Variants in FHIT observed in about 807,000 individuals in gnomAD.
FHIT encodes bis(5'-adenosyl)-triphosphatase.
A neutral mutation model predicts 17.9 loss-of-function variants in FHIT; 19 were observed. The ratio of observed to expected loss-of-function variants is 1.06; its 90% confidence interval spans 0.74 to 1.56. FHIT has a LOEUF of 1.56. Ranked by LOEUF, FHIT falls within the 40% of genes most tolerant of loss-of-function variation. FHIT has a pLI of 0.00. For synonymous variants in FHIT, 81 were observed against 69.7 expected (o/e 1.16, Z -0.81); for missense variants, 248 against 189.2 (o/e 1.31, Z -1.82).
At chr3:60,889,313 C>T (rs939847837) in intron 3 of FHIT, among the ~76,000 whole-genome samples, 8 of 152,202 alleles carry the variant, frequency 5.3e-5, no homozygotes, top group Admixed American at 6.5e-5. Context: ...CCTTCCCCTC[C>T]CTTGTCCAAG....
chr3:59,868,752 G>T (rs1702774223), intron 8 of FHIT, among the ~76,000 whole-genome samples: 1 of 152,182 alleles, frequency 6.6e-6, no homozygotes, highest in South Asian at 2.1e-4. Flanking sequence ...GGGGGTGGTG[G>T]TGGTGGCTGG....
chr3:60,020,092 A>C (rs1700497337), intron 5 of FHIT, among the ~76,000 whole-genome samples: 2 of 152,128 alleles, frequency 1.3e-5, no homozygotes, highest in African/African-American at 4.8e-5. Context: ...GAAACACAGA[A>C]CCAACTGCAA....
intron 5 of FHIT, among the ~76,000 whole-genome samples, chr3:60,246,834 A>T (rs1705419690): frequency 6.6e-6 from 1 of 152,148 alleles, no homozygotes; most frequent in South Asian, 2.1e-4. Flanking sequence ...GACCTGCCAA[A>T]TGTTCCTGTT....
rs543309971 is a variant in FHIT, at chr3:60,156,035, T to C, written c.104-141883A>G. On this transcript the variant is annotated intron_variant, in intron 5 of 9. Transcript: ENST00000492590. ...CCATTGCAAGATTGGAACTGTTTCC[T>C]AGCTTAAAAAATAACACTATAAAAA... Among the ~76,000 whole-genome samples, 7 of 152,276 alleles carry C rather than the reference T, an allele frequency of 4.6e-5. No homozygotes were observed. The South Asian group carries it at 1.5e-3, about 32-fold the overall frequency.
At chr3:60,857,208 T>G (rs1703424468) in intron 3 of FHIT, among the ~76,000 whole-genome samples, 1 of 152,100 alleles carries the variant, frequency 6.6e-6, no homozygotes, top group Admixed American at 6.6e-5. Flanking sequence ...AGGGCATGTA[T>G]GAAAAACAGA....
At chr3:60,168,271 A>G (rs1223239703) in intron 5 of FHIT, among the ~76,000 whole-genome samples, 1 of 152,200 alleles carries the variant, frequency 6.6e-6, no homozygotes, top group African/African-American at 2.4e-5. Flanking sequence ...CTGCTTCTCT[A>G]TGATTGTTAG....
At chr3:60,721,865 C>T (rs1559669817) in intron 4 of FHIT, among the ~76,000 whole-genome samples, 1 of 152,084 alleles carries the variant, frequency 6.6e-6, no homozygotes, top group East Asian at 1.9e-4. Flanking sequence ...TTAGCCATAA[C>T]AATTAAACTA....
At chr3:60,188,387 T>C (rs1326512654) in intron 5 of FHIT, among the ~76,000 whole-genome samples, 3 of 152,128 alleles carry the variant, frequency 2.0e-5, no homozygotes, top group African/African-American at 7.2e-5. Flanking sequence ...TATTATGATA[T>C]TTTGGCTTTA....
intron 5 of FHIT, among the ~76,000 whole-genome samples, chr3:60,198,874 TTAA>T (rs1460037885): frequency 1.3e-5 from 2 of 152,166 alleles, no homozygotes; most frequent in Admixed American, 6.6e-5. Flanking sequence ...TGAAGGCTTA[TTAA>T]TAATCTACAA....
chr3:60,454,406 A>G (rs752609275), intron 5 of FHIT, among the ~76,000 whole-genome samples: 2 of 150,090 alleles, frequency 1.3e-5, no homozygotes, highest in Admixed American at 6.6e-5. Flanking sequence ...TTTTCTTGAG[A>G]CAGAGCCTCA....
intron 8 of FHIT, among the ~76,000 whole-genome samples, chr3:59,842,962 T>C (rs1301847579): frequency 3.3e-5 from 5 of 152,190 alleles, no homozygotes; most frequent in Non-Finnish European, 7.3e-5. Context: ...TCTGGTGTCA[T>C]ATCCGATAAA....
chr3:61,233,577 C>T (rs1417316998), intron 1 of FHIT, among the ~76,000 whole-genome samples: 1 of 152,092 alleles, frequency 6.6e-6, no homozygotes. Flanking sequence ...ATTTTTTGTG[C>T]ATCTGTGCAT....
chr3:60,896,615 T>C (rs73097817), intron 3 of FHIT, among the ~76,000 whole-genome samples: 8,314 of 152,330 alleles, frequency 0.055, 279 homozygotes, highest in South Asian at 0.11. Context: ...CCAGTACTTC[T>C]GTTGTTTGAT....
At chr3:60,186,940 G>C (rs994404396) in intron 5 of FHIT, among the ~76,000 whole-genome samples, 1 of 151,944 alleles carries the variant, frequency 6.6e-6, no homozygotes, top group African/African-American at 2.4e-5. Context: ...CCACTGATGT[G>C]TATTTCTTAT....
At chr3:59,842,904 TTTTCA>T (rs145706459) in intron 8 of FHIT, among the ~76,000 whole-genome samples, 8,195 of 152,262 alleles carry the variant, frequency 0.054, 268 homozygotes, top group Non-Finnish European at 0.076. Context: ...ACAAAAATGT[TTTTCA>T]TTTAAGTCCA....
intron 4 of FHIT, among the ~76,000 whole-genome samples, chr3:60,587,272 G>A (rs958562741): frequency 6.6e-6 from 1 of 152,042 alleles, no homozygotes; most frequent in Non-Finnish European, 1.5e-5. Context: ...GACACGACAT[G>A]TTCTCACTCA....
intron 4 of FHIT, among the ~76,000 whole-genome samples, chr3:60,579,158 G>C (rs1364632563): frequency 2.6e-5 from 4 of 152,136 alleles, no homozygotes; most frequent in African/African-American, 9.7e-5. Flanking sequence ...AGGCAATTTT[G>C]TCATAGCACA....
chr3:60,418,335 T>A (rs1285933543), intron 5 of FHIT, among the ~76,000 whole-genome samples: 1 of 143,024 alleles, frequency 7.0e-6, no homozygotes, highest in African/African-American at 2.6e-5. Flanking sequence ...ACATTAAATA[T>A]TAATACATAT....
chr3:60,527,405 T>G (rs1298654977), intron 5 of FHIT, among the ~76,000 whole-genome samples: 1 of 152,210 alleles, frequency 6.6e-6, no homozygotes, highest in Non-Finnish European at 1.5e-5. Flanking sequence ...TCTCTTGAAC[T>G]GAAAATTAAT....
Sources: gnomAD v4.1 joint callset for allele counts (sites outside exome capture counted in the v4.1 genomes callset) on GRCh38, gnomAD v4.1.1 for gene constraint, MANE v1.5 for transcripts, NCBI Gene and HGNC (gene_info 2026-07-23, HGNC 2026-07-21) for gene names.